Variants in PARD3B observed in about 807,000 individuals in gnomAD.
PARD3B encodes par-3 family cell polarity regulator beta.
PARD3B carries 103 observed loss-of-function variants against 130.2 expected under a neutral mutation model. The ratio of observed to expected loss-of-function variants is 0.79; its 90% CI spans 0.67 to 0.93. The LOEUF is 0.93. Among genes scored for constraint, PARD3B ranks in the 40% least tolerant of loss-of-function variants. PARD3B has a pLI of 0.00. For missense variants in PARD3B, 1,609 were observed against 1,499.2 expected, an observed-to-expected ratio of 1.07 and a Z score of -1.21; for synonymous variants, 583 against 553.2, an observed-to-expected ratio of 1.05 and a Z score of -0.76.
intron 2 of PARD3B, among the ~76,000 whole-genome samples, chr2:204,737,490 A>G (rs1324990579): frequency 1.3e-5 from 2 of 152,174 alleles, no homozygotes; most frequent in African/African-American, 4.8e-5. Context: ...GTCCTTAGTC[A>G]GATGTGAACT....
chr2:204,656,482 A>C (rs1290429057), intron 1 of PARD3B, among the ~76,000 whole-genome samples: 1 of 152,174 alleles, frequency 6.6e-6, no homozygotes, highest in Non-Finnish European at 1.5e-5. Flanking sequence ...CACTGTTTAC[A>C]GTCTTAAAGT....
At position 204,610,840 on chromosome 2, in the gene PARD3B, A is replaced by C. The variant is rs1362822403; in HGVS notation, c.120+64721A>C. Among the ~76,000 whole-genome samples the C allele has an allele frequency of 6.6e-6, 1 of 152,238 alleles. No individual in the cohort carries two copies. The highest frequency in any genetic ancestry group is 1.5e-5 in the Non-Finnish European group (1 of 68,046). On this transcript the variant is annotated intron_variant, in intron 1 of 22. Coordinates refer to ENST00000406610, the MANE Select transcript of PARD3B (RefSeq NM_001302769.2). This position sits in a 1 kb window ranked among gnomAD's most constrained non-coding sequence, Gnocchi z 4.1. ...ACAATTGGAAGTATTTATTATTTACATAACAGTATTTCTAGTATATAAAAT... is the reference window on the plus strand; with the variant it reads ...ACAATTGGAAGTATTTATTATTTACCTAACAGTATTTCTAGTATATAAAAT...
chr2:205,597,741 C>A (rs983946429), intron 22 of PARD3B, among the ~76,000 whole-genome samples: 2 of 152,134 alleles, frequency 1.3e-5, no homozygotes, highest in African/African-American at 4.8e-5. Context: ...AGGGACAGGT[C>A]ACTTGCCTTG....
chr2:204,996,778 T>C (rs1694229412), intron 3 of PARD3B, among the ~76,000 whole-genome samples: 3 of 148,982 alleles, frequency 2.0e-5, no homozygotes, highest in South Asian at 2.2e-4. Context: ...GGATATAGTC[T>C]CGTGGTGCGC....
intron 19 of PARD3B, among the ~76,000 whole-genome samples, chr2:205,428,880 A>G (rs2047234449): frequency 3.3e-5 from 5 of 152,122 alleles, no homozygotes; most frequent in Admixed American, 3.3e-4. Context: ...GAGCACGCCT[A>G]GGGCCCAGAT....
intron 11 of PARD3B, among the ~76,000 whole-genome samples, chr2:205,171,611 A>G (rs730307): frequency 0.41 from 62,933 of 152,144 alleles, 13,673 homozygotes; most frequent in African/African-American, 0.53. Flanking sequence ...TCCACCAGAA[A>G]ATATCAGGGC....
intron 18 of PARD3B, among the ~76,000 whole-genome samples, chr2:205,324,966 C>G (rs924329354): frequency 6.6e-6 from 1 of 152,190 alleles, no homozygotes; most frequent in Admixed American, 6.5e-5. Flanking sequence ...TTTTCTCTCA[C>G]CTGTGAAGAC....
intron 2 of PARD3B, among the ~76,000 whole-genome samples, chr2:204,886,534 T>C (rs2046276082): frequency 1.3e-5 from 2 of 152,242 alleles, no homozygotes; most frequent in Admixed American, 1.3e-4. Flanking sequence ...TTGACAGTTA[T>C]CATAAATGGT....
intron 16 of PARD3B, among the ~76,000 whole-genome samples, chr2:205,248,399 T>TGGTGGG (rs1227868101): frequency 7.3e-6 from 1 of 137,518 alleles, no homozygotes; most frequent in Non-Finnish European, 1.6e-5. Flanking sequence ...GTGGTGGTGG[T>TGGTGGG]GGTGGTGGTG....
At chr2:205,222,457 G>C (rs891115919) in intron 15 of PARD3B, among the ~76,000 whole-genome samples, 1 of 152,166 alleles carries the variant, frequency 6.6e-6, no homozygotes, top group African/African-American at 2.4e-5. Flanking sequence ...AAGAGTTTTT[G>C]TAAGGATTAA....
intron 15 of PARD3B, among the ~76,000 whole-genome samples, chr2:205,199,972 TAA>T (rs1331195840): frequency 6.9e-6 from 1 of 144,932 alleles, no homozygotes; most frequent in Non-Finnish European, 1.5e-5. Flanking sequence ...TTTGTGAAAT[TAA>T]AAAAAAAAAA....
intron 14 of PARD3B, 128 bp downstream of exon 14, chr2:205,185,991 A>C: frequency 1.4e-6 from 1 of 737,540 alleles, no homozygotes. Flanking sequence ...AGTATCTATA[A>C]TTCCTTTCCA....
intron 11 of PARD3B, among the ~76,000 whole-genome samples, chr2:205,168,310 A>T (rs1331124910): frequency 5.1e-5 from 6 of 117,548 alleles, no homozygotes; most frequent in African/African-American, 1.5e-4. Context: ...AGAGAGAGAG[A>T]GAGAGAGAGA....
intron 15 of PARD3B, among the ~76,000 whole-genome samples, chr2:205,231,359 C>T (rs888791228): frequency 3.3e-5 from 5 of 150,568 alleles, no homozygotes; most frequent in Admixed American, 3.3e-4. Flanking sequence ...CAAGGTCTCA[C>T]TCTGTTGCCC....
intron 22 of PARD3B, among the ~76,000 whole-genome samples, chr2:205,578,273 A>G (rs1372682814): frequency 1.3e-5 from 2 of 152,188 alleles, no homozygotes; most frequent in African/African-American, 4.8e-5. Flanking sequence ...ATTCCAAATA[A>G]CAATGTGGTA....
At chr2:205,167,733 G>A (rs189605331) in intron 11 of PARD3B, among the ~76,000 whole-genome samples, 106 of 152,260 alleles carry the variant, frequency 7.0e-4, no homozygotes, top group Non-Finnish European at 1.1e-3. Flanking sequence ...TAGCATAAAG[G>A]ATTCATGTCA....
chr2:204,983,425 G>T (rs1465139893), intron 3 of PARD3B, among the ~76,000 whole-genome samples: 1 of 139,784 alleles, frequency 7.2e-6, no homozygotes, highest in Non-Finnish European at 1.5e-5. Flanking sequence ...AGGAAGGGGG[G>T]AGGAGAGAAG....
At chr2:205,223,091 G>T (rs906815822) in intron 15 of PARD3B, among the ~76,000 whole-genome samples, 4 of 152,096 alleles carry the variant, frequency 2.6e-5, no homozygotes, top group Admixed American at 6.5e-5. Context: ...GTCCCAGAAG[G>T]AGTAACAGTG....
intron 20 of PARD3B, among the ~76,000 whole-genome samples, chr2:205,447,016 A>G (rs1295410655): frequency 6.6e-6 from 1 of 152,244 alleles, no homozygotes; most frequent in Non-Finnish European, 1.5e-5. Context: ...GTTTGATTGC[A>G]CACAGTATCA....
Sources: gnomAD v4.1 joint callset for allele counts (sites outside exome capture counted in the v4.1 genomes callset) on GRCh38, gnomAD v4.1.1 for gene constraint, Gnocchi (gnomAD v3.1) non-coding constraint, MANE v1.5 for transcripts, NCBI Gene and HGNC (gene_info 2026-07-23, HGNC 2026-07-21) for gene names.